SLIT2: variants seen among roughly 807,000 people sequenced by gnomAD.
SLIT2 encodes the protein slit guidance ligand 2, also known as slit homolog 2 protein.
Under a neutral mutation model 185.7 loss-of-function variants are expected in SLIT2, and 41 were observed. The observed-to-expected ratio is 0.22, with a 90% CI of 0.17 to 0.29. SLIT2 has a LOEUF of 0.29. Ranked by LOEUF, SLIT2 falls within the 10% of genes least tolerant of loss-of-function variation. The pLI, the probability that SLIT2 is intolerant of heterozygous loss-of-function variation, is 1.00. For synonymous variants in SLIT2, 693 were observed against 680.2 expected, an observed-to-expected ratio of 1.02 and a Z score of -0.29; for missense variants, 1,571 against 1,909.0, an observed-to-expected ratio of 0.82 and a Z score of 3.30.
At position 20,544,007 on chromosome 4, in the gene SLIT2, C is replaced by T. The variant is rs184347657; in HGVS notation, c.2276+1381C>T. 2.7e-3 allele frequency among the ~76,000 whole-genome samples: 407 copies of T among 151,952 alleles called. 4 individuals are homozygous for T. The highest frequency in any genetic ancestry group is 9.4e-3 in the African/African-American group (390 of 41,458). Reference sequence around the variant, plus strand: ...TGTGTCCACAGGATGGGGAACATCACACACCGGGGCCTGTCTTGGTGTGGG... The same window carrying T: ...TGTGTCCACAGGATGGGGAACATCATACACCGGGGCCTGTCTTGGTGTGGG... On this transcript the variant is annotated intron_variant, in intron 21 of 36. Transcript: ENST00000504154.
intron 4 of SLIT2, among the ~76,000 whole-genome samples, chr4:20,359,862 T>G (rs1165115781): frequency 6.6e-6 from 1 of 152,106 alleles, no homozygotes; most frequent in African/African-American, 2.4e-5. Context: ...AGTAGATTTA[T>G]CATGGTGGGA....
Position 20,334,091 on chromosome 4 carries a change from T to C in SLIT2, c.395+65210T>C, listed in dbSNP as rs1327084723. Among the ~76,000 whole-genome samples, 5 of 152,190 alleles carry C rather than the reference T, an allele frequency of 3.3e-5. No individual in the cohort carries two copies. In the East Asian group the frequency reaches 9.6e-4, roughly 29 times the overall value. ...TTGTATTTTCCCTATGTCTCTACTTTAGATCATTTTTAAAATCATCATCCC... is the reference window on the plus strand; with the variant it reads ...TTGTATTTTCCCTATGTCTCTACTTCAGATCATTTTTAAAATCATCATCCC... On this transcript the variant is annotated intron_variant, in intron 4 of 36. Transcript: ENST00000504154.
chr4:20,320,744 G>A (rs186576550), intron 4 of SLIT2, among the ~76,000 whole-genome samples: 3 of 152,086 alleles, frequency 2.0e-5, no homozygotes, highest in Admixed American at 6.6e-5. Flanking sequence ...TTACATTTTT[G>A]TACAGGATGT....
chr4:20,330,317 A>T (rs1225885017), intron 4 of SLIT2, among the ~76,000 whole-genome samples: 1 of 152,090 alleles, frequency 6.6e-6, no homozygotes, highest in Non-Finnish European at 1.5e-5. Flanking sequence ...TTGGTTTAAG[A>T]TCTCCAAACA....
At chr4:20,293,087 G>A (rs1716126556) in intron 4 of SLIT2, among the ~76,000 whole-genome samples, 1 of 152,220 alleles carries the variant, frequency 6.6e-6, no homozygotes, top group African/African-American at 2.4e-5. Context: ...GTATGGAAAG[G>A]ATGACTTAGT....
At chr4:20,590,824 G>A (rs55732085) in intron 30 of SLIT2, among the ~76,000 whole-genome samples, 3,197 of 152,316 alleles carry the variant, frequency 0.021, 59 homozygotes, top group Non-Finnish European at 0.032. Context: ...CCATGGCCCG[G>A]AGAGGTTAGT....
At chr4:20,364,874 T>C (rs530826527) in intron 4 of SLIT2, among the ~76,000 whole-genome samples, 2 of 152,288 alleles carry the variant, frequency 1.3e-5, no homozygotes, top group East Asian at 3.9e-4. Context: ...TAGAAGATTT[T>C]TGAAGGCTCT....
chr4:20,310,550 C>T lies in SLIT2; in HGVS notation c.395+41669C>T, dbSNP rs563622035. Among the ~76,000 whole-genome samples, 5 of 152,272 alleles carry T rather than the reference C, an allele frequency of 3.3e-5. No individual in the cohort carries two copies. The East Asian group carries it at 9.7e-4, about 29-fold the overall frequency. On this transcript the variant is annotated intron_variant, in intron 4 of 36. Coordinates refer to ENST00000504154, the MANE Select transcript of SLIT2 (RefSeq NM_004787.4). Reference sequence around the variant, plus strand: ...CTTAAGTATCTCTTCTTCTCCTGTCCTGTTCAGCATCGTCCCAGATTTGCC... The same window carrying T: ...CTTAAGTATCTCTTCTTCTCCTGTCTTGTTCAGCATCGTCCCAGATTTGCC...
At position 20,355,617 on chromosome 4, in the gene SLIT2, T is replaced by C. The variant is rs547059869; in HGVS notation, c.395+86736T>C. On this transcript the variant is annotated intron_variant, in intron 4 of 36. Transcript: ENST00000504154. ...AGGTGGTCATTGTATGAAGCACATA[T>C]GAAATGAAACCTTTGATTTAATACC... 4.6e-5 allele frequency among the ~76,000 whole-genome samples: 7 copies of C among 152,276 alleles called. No individual in the cohort carries two copies. In the South Asian group the frequency reaches 1.4e-3, roughly 32 times the overall value.
rs553937558 is a variant in SLIT2 at position 20,533,834 on chromosome 4, A to G, written c.1832+119A>G. The G allele has an allele frequency of 4.5e-5, 35 of 774,324 alleles. No homozygotes were observed. The African/African-American group carries it at 8.9e-4, about 20-fold the overall frequency. 48.0% of individuals were successfully genotyped at this position (774,324 alleles called of 1,614,324 possible). ...CCACCCCACTCCCTCTATCTCTTTCACATTCTCTGTTACACACACATACAC... is the reference window on the plus strand; with the variant it reads ...CCACCCCACTCCCTCTATCTCTTTCGCATTCTCTGTTACACACACATACAC... On this transcript the variant is annotated intron_variant, in intron 18 of 36. Transcript: ENST00000504154.
At chr4:20,337,700 C>T (rs533498253) in intron 4 of SLIT2, among the ~76,000 whole-genome samples, 2 of 152,090 alleles carry the variant, frequency 1.3e-5, no homozygotes, top group Non-Finnish European at 2.9e-5. Flanking sequence ...ATAAACTAAG[C>T]CAAAATTGGG....
intron 4 of SLIT2, among the ~76,000 whole-genome samples, chr4:20,329,082 A>G (rs1261568757): frequency 6.6e-6 from 1 of 152,060 alleles, no homozygotes; most frequent in African/African-American, 2.4e-5. Context: ...TGTCCACTAG[A>G]TAGAAGATAG....
intron 4 of SLIT2, among the ~76,000 whole-genome samples, chr4:20,397,432 T>A (rs1410622767): frequency 6.6e-6 from 1 of 151,856 alleles, no homozygotes; most frequent in East Asian, 1.9e-4. Flanking sequence ...AGTAGTTCAC[T>A]GCTTCTCAAA....
chr4:20,318,546 C>T (rs1421873274), intron 4 of SLIT2, among the ~76,000 whole-genome samples: 1 of 152,154 alleles, frequency 6.6e-6, no homozygotes, highest in Non-Finnish European at 1.5e-5. Context: ...GCTTCGGCTG[C>T]TGTTGCTTTT....
chr4:20,420,514 CAAGTGTTTTACA>C (rs796403934), intron 4 of SLIT2, among the ~76,000 whole-genome samples: 17 of 152,148 alleles, frequency 1.1e-4, no homozygotes, highest in African/African-American at 3.1e-4. Context: ...TATTAGGTAT[CAAGTGTTTTACA>C]AACATTGCCT....
intron 26 of SLIT2, among the ~76,000 whole-genome samples, chr4:20,555,505 A>C (rs571992005): frequency 6.6e-6 from 1 of 152,252 alleles, no homozygotes; most frequent in African/African-American, 2.4e-5. Flanking sequence ...TAGATAATAT[A>C]GATAAAAGAC....
rs1726419784 is a variant in SLIT2 at position 20,580,064 on chromosome 4, A to T, written c.3089-9580A>T. Among the ~76,000 whole-genome samples, 3 of 97,938 alleles carry T rather than the reference A, an allele frequency of 3.1e-5. No individual in the cohort carries two copies. In the Admixed American group the frequency reaches 4.6e-4, roughly 15 times the overall value. 64.3% of individuals were successfully genotyped at this position (97,938 alleles called of 152,430 possible). The stretch of plus-strand genomic sequence containing the variant: ...TGTATATATTATATATTATGTATAT[A>T]TTATATATATATATATATATTTGAG... On this transcript the variant is annotated intron_variant, in intron 29 of 36. Coordinates refer to ENST00000504154, the MANE Select transcript of SLIT2 (RefSeq NM_004787.4).
intron 3 of SLIT2, among the ~76,000 whole-genome samples, chr4:20,265,577 A>T (rs899365516): frequency 6.6e-6 from 1 of 151,972 alleles, no homozygotes; most frequent in Non-Finnish European, 1.5e-5. Flanking sequence ...TTAGACATAT[A>T]AAGATCACTC....
At chr4:20,489,058 T>A (rs1321777476) in intron 8 of SLIT2, 76 bp downstream of exon 8, 14 of 1,199,940 alleles carry the variant, frequency 1.2e-5, no homozygotes, top group Non-Finnish European at 1.3e-5. Context: ...GCTGCATGCG[T>A]CAAAGGTTTC....
Sources: allele counts gnomAD v4.1 joint callset (sites outside exome capture counted in the v4.1 genomes callset), GRCh38; gene constraint gnomAD v4.1.1; transcripts MANE v1.5; gene names NCBI Gene and HGNC (gene_info 2026-07-23, HGNC 2026-07-21).